The following ZMYM4 variants were observed in gnomAD, a reference collection of about 807,000 sequenced individuals.
The protein encoded by ZMYM4 is zinc finger MYM-type protein 4.
Under a neutral mutation model 183.2 loss-of-function variants are expected in ZMYM4, and 31 were observed. The observed-to-expected ratio is 0.17, with a 90% CI of 0.13 to 0.23. The LOEUF (loss-of-function observed/expected upper bound fraction) is 0.23, where lower values mean the gene tolerates loss of function less well. Ranked by LOEUF, ZMYM4 falls within the 10% of genes least tolerant of loss-of-function variation. The pLI, the probability that ZMYM4 is intolerant of heterozygous loss-of-function variation, is 1.00. For missense variants in ZMYM4, 1,273 were observed against 1,840.3 expected, an observed-to-expected ratio of 0.69 and a Z score of 5.64; for synonymous variants, 592 against 631.2, an observed-to-expected ratio of 0.94 and a Z score of 0.93.
chr1:35,343,630 C>T (rs569663220), intron 2 of ZMYM4, among the ~76,000 whole-genome samples: 1 of 152,102 alleles, frequency 6.6e-6, no homozygotes, highest in East Asian at 1.9e-4. Context: ...TTTGGGAGGC[C>T]AAGGCGGGCG....
chr1:35,411,963 A>T (rs1639920686), intron 26 of ZMYM4, among the ~76,000 whole-genome samples: 1 of 152,024 alleles, frequency 6.6e-6, no homozygotes, highest in Non-Finnish European at 1.5e-5. Flanking sequence ...GCTCACTGCA[A>T]GCTCCGCCTC....
chr1:35,385,819 T>G lies in ZMYM4; in HGVS notation c.1720+227T>G, dbSNP rs1306924286. On this transcript the variant is annotated intron_variant, in intron 10 of 29. Transcript: ENST00000314607. The stretch of plus-strand genomic sequence containing the variant: ...TTCATATGGCTTCTTTAATATATTT[T>G]CTTTTTCCCTACCTAATTTCTTTGA... 2.0e-5 allele frequency among the ~76,000 whole-genome samples: 3 copies of G among 152,206 alleles called. No homozygotes were observed. In the East Asian group the frequency reaches 5.8e-4, roughly 29 times the overall value.
chr1:35,356,058 A>G (rs1643808493), intron 2 of ZMYM4, among the ~76,000 whole-genome samples: 1 of 152,172 alleles, frequency 6.6e-6, no homozygotes, highest in Non-Finnish European at 1.5e-5. Context: ...AAAAATACAA[A>G]GATTAGCCAG....
At position 35,397,536 on chromosome 1, in the gene ZMYM4, T is replaced by G; in HGVS notation, c.3190T>G (p.Ser1064Ala). Reference protein sequence around the residue: ...IAEDEEKKTLSQGESQTSEHE... With the variant: ...IAEDEEKKTLAQGESQTSEHE... ...AGAAGATGAAGAGAAGAAGACTCTA[T>G]CTCAGGGAGGTTGGTATACTCTTTA... is the stretch of plus-strand genomic sequence containing the variant. The change falls in exon 20 of 30, where the codon TCT (serine) becomes GCT (alanine). Residue 1064 changes from serine to alanine, a missense_variant. By Grantham distance (99) the Ser-to-Ala change is moderately conservative. Transcript: ENST00000314607. 1 of 1,608,010 alleles carries G rather than the reference T, an allele frequency of 6.2e-7. No individual in the cohort carries two copies. Among genetic ancestry groups the G allele is most frequent in the Non-Finnish European group, 8.5e-7 (1 of 1,178,026 alleles).
intron 18 of ZMYM4, among the ~76,000 whole-genome samples, chr1:35,395,857 C>G (rs1456730946): frequency 6.6e-6 from 1 of 152,136 alleles, no homozygotes; most frequent in African/African-American, 2.4e-5. Context: ...TTGGAAAATC[C>G]TGTATTGAAC....
intron 1 of ZMYM4, among the ~76,000 whole-genome samples, chr1:35,311,315 A>T (rs1641787016): frequency 6.6e-6 from 1 of 151,888 alleles, no homozygotes; most frequent in African/African-American, 2.4e-5. Flanking sequence ...CCAGCTACTC[A>T]AGAGGCTGAG....
rs143154845 is a variant in ZMYM4, at chr1:35,294,882, G to A, written c.39+25797G>A. Among the ~76,000 whole-genome samples the A allele has an allele frequency of 3.9e-5, 6 of 152,246 alleles. No homozygotes were observed. In the East Asian group the frequency reaches 1.2e-3, roughly 29 times the overall value. On this transcript the variant is annotated intron_variant, in intron 1 of 29. Coordinates refer to ENST00000314607, the MANE Select transcript of ZMYM4 (RefSeq NM_005095.3). ...AAATGTCTTTGAAATATCAGAGAAC[G>A]GACTTTTCAGAACAAGGTATTGAAC...
chr1:35,332,143 A>G (rs1642780698), intron 2 of ZMYM4, among the ~76,000 whole-genome samples: 1 of 152,102 alleles, frequency 6.6e-6, no homozygotes, highest in Non-Finnish European at 1.5e-5. Flanking sequence ...GATTTAGAAA[A>G]TACTGGTTTT....
chr1:35,370,232 T>C, intron 6 of ZMYM4, 119 bp downstream of exon 6: 1 of 1,476,736 alleles, frequency 6.8e-7, no homozygotes, highest in Non-Finnish European at 9.1e-7. Flanking sequence ...TGCCTTTAAA[T>C]TGTATATTGC....
At chr1:35,375,639 G>A (rs1644318719) in intron 7 of ZMYM4, among the ~76,000 whole-genome samples, 1 of 152,198 alleles carries the variant, frequency 6.6e-6, no homozygotes, top group African/African-American at 2.4e-5. Context: ...AAGCTCATTA[G>A]CTATTCAGAA....
At chr1:35,377,978 G>A (rs905052657) in intron 7 of ZMYM4, among the ~76,000 whole-genome samples, 5 of 152,208 alleles carry the variant, frequency 3.3e-5, no homozygotes, top group Non-Finnish European at 5.9e-5. Flanking sequence ...TATCAACTAA[G>A]TTTATGTAAT....
intron 2 of ZMYM4, among the ~76,000 whole-genome samples, chr1:35,329,130 G>A (rs1288169662): frequency 6.6e-6 from 1 of 152,210 alleles, no homozygotes; most frequent in African/African-American, 2.4e-5. Context: ...CCCCGTTTGT[G>A]AAGACATTGA....
chr1:35,284,078 G>A (rs553331915), intron 1 of ZMYM4, among the ~76,000 whole-genome samples: 94 of 151,850 alleles, frequency 6.2e-4, no homozygotes, highest in South Asian at 1.2e-3. Flanking sequence ...CCGGGTTCAC[G>A]CCATTCTCCT....
rs1639440593 is a variant in ZMYM4, at chr1:35,268,906, C to G, written c.-141C>G. On this transcript the variant is annotated 5_prime_UTR_variant, in exon 1 of 30. Coordinates refer to ENST00000314607, the MANE Select transcript of ZMYM4 (RefSeq NM_005095.3). Reference sequence around the variant, plus strand: ...CCGGCGCGCGGCATCCGCCCCCTCCCCACTCTCGGCGCAAGGCCCGGCCGG... The same window carrying G: ...CCGGCGCGCGGCATCCGCCCCCTCCGCACTCTCGGCGCAAGGCCCGGCCGG... The G allele has an allele frequency of 1.0e-6, 1 of 955,344 alleles. No homozygotes were observed. The highest frequency in any genetic ancestry group is 1.7e-5 in the African/African-American group (1 of 57,958). The allele number at this position is 955,344 out of a possible 1,614,324, so 59.2% of individuals were successfully genotyped here.
chr1:35,372,922 C>T (rs1200862812), intron 7 of ZMYM4, among the ~76,000 whole-genome samples: 1 of 152,132 alleles, frequency 6.6e-6, no homozygotes, highest in African/African-American at 2.4e-5. Flanking sequence ...CTTTGGGAGG[C>T]TAAGGCAGGT....
Position 35,345,928 on chromosome 1 carries a change from A to G in ZMYM4, c.86-12997A>G, listed in dbSNP as rs79647593. Among the ~76,000 whole-genome samples the G allele has an allele frequency of 5.9e-5, 9 of 152,242 alleles. 1 individual carries two copies. Among genetic ancestry groups the G allele is most frequent in the African/African-American group, 1.7e-4 (7 of 41,522 alleles). On this transcript the variant is annotated intron_variant, in intron 2 of 29. Coordinates refer to ENST00000314607, the MANE Select transcript of ZMYM4 (RefSeq NM_005095.3). Reference sequence around the variant, plus strand: ...TTGCGAAACTGAAACTGTACACCCAATTTCCCAACTCGAAATTTCTCTCTT... The same window carrying G: ...TTGCGAAACTGAAACTGTACACCCAGTTTCCCAACTCGAAATTTCTCTCTT...
At chr1:35,406,050 T>C (rs1644997863) in intron 25 of ZMYM4, among the ~76,000 whole-genome samples, 1 of 152,240 alleles carries the variant, frequency 6.6e-6, no homozygotes, top group Non-Finnish European at 1.5e-5. Context: ...ACAATCTTTA[T>C]GGAATGAGAT....
intron 2 of ZMYM4, among the ~76,000 whole-genome samples, chr1:35,325,826 TA>T (rs1245311655): frequency 1.1e-4 from 16 of 152,284 alleles, no homozygotes; most frequent in African/African-American, 3.8e-4. Context: ...AAATAGAAAG[TA>T]AAAGTCTTTG....
chr1:35,286,133 C>T (rs182332915), intron 1 of ZMYM4, among the ~76,000 whole-genome samples: 5 of 152,094 alleles, frequency 3.3e-5, no homozygotes, highest in East Asian at 1.9e-4. Flanking sequence ...TGATCTTATA[C>T]GTAGAATACC....
Sources: gnomAD v4.1 joint callset for allele counts (sites outside exome capture counted in the v4.1 genomes callset) on GRCh38, gnomAD v4.1.1 for gene constraint, MANE v1.5 for transcripts, NCBI Gene and HGNC (gene_info 2026-07-23, HGNC 2026-07-21) for gene names.